Variants in CHST15 observed in about 807,000 individuals in gnomAD.
The protein encoded by CHST15 is B cell RAG associated protein (GALNAC4S-6ST).
CHST15 carries 30 observed loss-of-function variants against 53.6 expected under a neutral mutation model. That is an observed-to-expected ratio of 0.56 (90% CI 0.42 to 0.76). The LOEUF (loss-of-function observed/expected upper bound fraction) is 0.76, where lower values mean the gene tolerates loss of function less well. Ranked by LOEUF, CHST15 falls within the 30% of genes least tolerant of loss-of-function variation. The pLI is 0.00. For synonymous variants in CHST15, 296 were observed against 289.8 expected (o/e 1.02, Z -0.22); for missense variants, 627 against 740.5 (o/e 0.85, Z 1.78).
At position 124,012,442 on chromosome 10, in the gene CHST15, C is replaced by G. The variant is rs778117034; in HGVS notation, c.1386G>C (p.Leu462=). The change falls in exon 7 of 8, where the codon CTG becomes CTC. Residue 462 remains leucine (L), a synonymous_variant. Transcript: ENST00000435907. ...LQVGLYAVYL[L]DWLSVFDKQQ... is the part of the protein sequence containing the mutation. ...GCTTGTCAAAAACGCTGAGCCAGTC[C>G]AGAAGGTACACAGCATAGAGCCCAA... The G allele has an allele frequency of 6.2e-7, 1 of 1,614,122 alleles. No homozygotes were observed. Among genetic ancestry groups the G allele is most frequent in the Non-Finnish European group, 8.5e-7 (1 of 1,180,024 alleles).
chr10:124,022,205 T>C (rs557166801), intron 5 of CHST15, among the ~76,000 whole-genome samples: 120 of 152,342 alleles, frequency 7.9e-4, no homozygotes, highest in Non-Finnish European at 1.4e-3. Context: ...AAATAAAATG[T>C]ATGAGAGGCT....
chr10:124,032,067 C>T (rs927563235), intron 5 of CHST15, among the ~76,000 whole-genome samples: 2 of 152,216 alleles, frequency 1.3e-5, no homozygotes, highest in Non-Finnish European at 2.9e-5. Flanking sequence ...GAGTGACTGC[C>T]TATAACAGAA....
rs45580543 is a variant in CHST15 at position 124,042,407 on chromosome 10, G to A, written c.927C>T (p.Pro309=). 5.8e-4 allele frequency: 942 copies of A among 1,614,174 alleles called. No homozygotes were observed. Among genetic ancestry groups the A allele is most frequent in the Non-Finnish European group, 7.1e-4 (840 of 1,180,028 alleles). ...CAAAGAGGTCCAGATAATCTTCCAC[G>A]GGATAGCGGTCTCGCAGCCCATCTC... ...RLRDGLRDRY[P]VEDYLDLFDL... The change falls in exon 4 of 8, where the codon CCC becomes CCT. Residue 309 remains proline, a synonymous_variant. Transcript: ENST00000435907.
At chr10:124,059,624 G>A (rs1191132872) in intron 1 of CHST15, among the ~76,000 whole-genome samples, 1 of 152,094 alleles carries the variant, frequency 6.6e-6, no homozygotes, top group African/African-American at 2.4e-5. Context: ...GAAAGGTCTC[G>A]CATGGACACA....
intron 5 of CHST15, among the ~76,000 whole-genome samples, chr10:124,034,612 G>GACCCTGGCTCCACCCCTGATAGGT (rs1947356897): frequency 7.2e-6 from 1 of 138,542 alleles, no homozygotes; most frequent in Non-Finnish European, 1.5e-5. Flanking sequence ...CCCTAACAGG[G>GACCCTGGCTCCACCCCTGATAGGT]ACCCTGGCTT....
At position 124,061,312 on chromosome 10, in the gene CHST15, G is replaced by C. The variant is rs371317011; in HGVS notation, c.-512-14588C>G. ...ACTCATGGGGGCCGGTTTTTCCCGT[G>C]CTATTCTCGTGATAGTAAATAAGCA... On this transcript the variant is annotated intron_variant, in intron 1 of 7. Coordinates refer to ENST00000435907, the MANE Select transcript of CHST15 (RefSeq NM_001270764.2). 7.9e-5 allele frequency among the ~76,000 whole-genome samples: 12 copies of C among 152,254 alleles called. No homozygotes were observed. The East Asian group carries it at 1.7e-3, about 22-fold the overall frequency.
chr10:124,081,721 A>T (rs1203228615), intron 1 of CHST15, among the ~76,000 whole-genome samples: 2 of 152,252 alleles, frequency 1.3e-5, no homozygotes. Context: ...TGGAAGGACC[A>T]GCCTGAGGAC....
intron 1 of CHST15, among the ~76,000 whole-genome samples, chr10:124,076,575 T>A (rs1949077641): frequency 6.6e-6 from 1 of 152,226 alleles, no homozygotes; most frequent in African/African-American, 2.4e-5. Context: ...ATCACATTGG[T>A]CTAGGATCAG....
chr10:124,020,298 C>A, intron 6 of CHST15: 1 of 985,510 alleles, frequency 1.0e-6, no homozygotes, highest in Non-Finnish European at 1.2e-6. Flanking sequence ...AATGGCCAAG[C>A]TGGAAACCTG....
chr10:124,057,476 G>A (rs1009032030), intron 1 of CHST15, among the ~76,000 whole-genome samples: 1 of 152,140 alleles, frequency 6.6e-6, no homozygotes, highest in Admixed American at 6.5e-5. Flanking sequence ...GACAAAGACC[G>A]CAGCGTGTCC....
chr10:124,084,180 G>A (rs1303381389), intron 1 of CHST15, among the ~76,000 whole-genome samples: 1 of 152,144 alleles, frequency 6.6e-6, no homozygotes, highest in Admixed American at 6.5e-5. Context: ...CCCTCCCAAG[G>A]GCAGGGGCCA....
chr10:124,018,066 C>T lies in CHST15; in HGVS notation c.1347+3190G>A, dbSNP rs992934248. Among the ~76,000 whole-genome samples the T allele has an allele frequency of 3.9e-5, 6 of 152,352 alleles. No homozygotes were observed. In the East Asian group the frequency reaches 9.6e-4, roughly 25 times the overall value. ...CTGGCCTCAGACAAGCCTTGAAGGCCGTGCACCAAGCTCTTCCTTCCCTGA... is the reference window on the plus strand; with the variant it reads ...CTGGCCTCAGACAAGCCTTGAAGGCTGTGCACCAAGCTCTTCCTTCCCTGA... On this transcript the variant is annotated intron_variant, in intron 6 of 7. Transcript: ENST00000435907.
chr10:124,037,055 C>T (rs770032053), intron 5 of CHST15, among the ~76,000 whole-genome samples: 7 of 152,116 alleles, frequency 4.6e-5, no homozygotes, highest in Non-Finnish European at 1.0e-4. Context: ...TGGTGGCTGC[C>T]GGCACTCCTT....
rs1210668699 is a variant in CHST15 at position 124,024,516 on chromosome 10, G to T, written c.1191-3104C>A. Among the ~76,000 whole-genome samples the T allele has an allele frequency of 6.6e-6, 1 of 152,160 alleles. No individual in the cohort carries two copies. Among genetic ancestry groups the T allele is most frequent in the Non-Finnish European group, 1.5e-5 (1 of 68,036 alleles). On this transcript the variant is annotated intron_variant, in intron 5 of 7. Coordinates refer to ENST00000435907, the MANE Select transcript of CHST15 (RefSeq NM_001270764.2). The surrounding 1 kb of genome is among the most constrained non-coding windows in gnomAD (Gnocchi z 4.0). ...CCTGGCCAGCCAAACTGTCCAAAGAGACAGTCAGCAAAGGGGCTCGGTGGC... is the reference window on the plus strand; with the variant it reads ...CCTGGCCAGCCAAACTGTCCAAAGATACAGTCAGCAAAGGGGCTCGGTGGC...
chr10:124,007,920 C>T lies in CHST15; in HGVS notation c.*2229G>A. 8.1e-7 allele frequency: 1 copy of T among 1,232,098 alleles called. No individual in the cohort carries two copies. The highest frequency in any genetic ancestry group is 1.0e-6 in the Non-Finnish European group (1 of 987,964). The allele number at this position is 1,232,098 out of a possible 1,614,324, so 76.3% of individuals were successfully genotyped here. A position where few individuals can be genotyped will look rare whatever the true frequency, so the allele number is the denominator to read the frequency against. On this transcript the variant is annotated 3_prime_UTR_variant, in exon 8 of 8. Coordinates refer to ENST00000435907, the MANE Select transcript of CHST15 (RefSeq NM_001270764.2). Reference sequence around the variant, plus strand: ...CGAGAACCACCGCCCAGAACGGAACCTATTCTGTCAGCAAGAGCCGGGCCT... The same window carrying T: ...CGAGAACCACCGCCCAGAACGGAACTTATTCTGTCAGCAAGAGCCGGGCCT...
chr10:124,069,137 G>A (rs146140610), intron 1 of CHST15, among the ~76,000 whole-genome samples: 114 of 152,322 alleles, frequency 7.5e-4, no homozygotes, highest in Non-Finnish European at 9.7e-4. Flanking sequence ...CTCCCCAGAG[G>A]CCTCTCCCAA....
At chr10:124,013,966 C>T (rs975160521) in intron 6 of CHST15, among the ~76,000 whole-genome samples, 6 of 152,238 alleles carry the variant, frequency 3.9e-5, no homozygotes, top group Admixed American at 3.9e-4. Context: ...CTCATATGCA[C>T]CCTGCCACCA....
At chr10:124,073,853 CTCAG>C (rs1158068394) in intron 1 of CHST15, among the ~76,000 whole-genome samples, 7 of 152,192 alleles carry the variant, frequency 4.6e-5, no homozygotes, top group Admixed American at 2.0e-4. Flanking sequence ...CGACCCGCCT[CTCAG>C]TCAGACGGCT....
intron 1 of CHST15, among the ~76,000 whole-genome samples, chr10:124,064,888 T>C (rs1433424732): frequency 2.6e-5 from 4 of 152,138 alleles, no homozygotes. Flanking sequence ...TTCCGTTTTT[T>C]GTGTGTGCTT....
Sources: allele counts gnomAD v4.1 joint callset (sites outside exome capture counted in the v4.1 genomes callset), GRCh38; gene constraint gnomAD v4.1.1; non-coding constraint Gnocchi (gnomAD v3.1); transcripts MANE v1.5; gene names NCBI Gene and HGNC (gene_info 2026-07-23, HGNC 2026-07-21).